Variants in COX15 observed in about 807,000 individuals in gnomAD.
COX15 encodes heme A synthase COX15.
Under a neutral mutation model 51.9 loss-of-function variants are expected in COX15, and 51 were observed. The ratio of observed to expected loss-of-function variants is 0.98; its 90% CI spans 0.78 to 1.24. The LOEUF is 1.24. COX15 is among the 50% of genes most tolerant of loss of function. COX15 has a pLI of 0.00. For synonymous variants in COX15, 188 were observed against 190.5 expected (o/e 0.99, Z 0.11); for missense variants, 420 against 501.1 (o/e 0.84, Z 1.55).
intron 4 of COX15, among the ~76,000 whole-genome samples, chr10:99,726,241 T>C (rs1245595972): frequency 6.6e-6 from 1 of 152,224 alleles, no homozygotes; most frequent in Non-Finnish European, 1.5e-5. Context: ...GGGATCCCTC[T>C]TTCCTATAGC....
downstream of COX15, chr10:99,709,642 G>A: frequency 1.0e-6 from 1 of 985,410 alleles, no homozygotes; most frequent in Non-Finnish European, 1.2e-6. Flanking sequence ...CTGGATCTAA[G>A]TTGGAAAGCT....
intron 3 of COX15, 72 bp downstream of exon 3, chr10:99,727,369 T>C: frequency 6.3e-7 from 1 of 1,586,872 alleles, no homozygotes; most frequent in Non-Finnish European, 8.6e-7. Flanking sequence ...AATCTAACCA[T>C]TCTGAAGGGT....
At chr10:99,728,072 T>C (rs1171333426) in intron 2 of COX15, among the ~76,000 whole-genome samples, 4 of 152,212 alleles carry the variant, frequency 2.6e-5, no homozygotes, top group Non-Finnish European at 5.9e-5. Context: ...GAAGACACAT[T>C]TGATTAAAAC....
the COX15 span, among the ~76,000 whole-genome samples, chr10:99,700,393 CGTGT>C: frequency 9.7e-6 from 1 of 103,598 alleles, no homozygotes; most frequent in Non-Finnish European, 1.9e-5. Flanking sequence ...TCCAACGTAC[CGTGT>C]GTGTGTGTGT....
rs774517968 is a variant in COX15, at chr10:99,727,414, GTTTACCT to G, written c.395+20_395+26del. The stretch of plus-strand genomic sequence containing the variant: ...AAAGATCAAATGGGCCTACTGGGAT[GTTTACCT>G]AATTTTCTCTAATACTTACATTTTA... On this transcript the variant is annotated intron_variant, in intron 3 of 8. Coordinates refer to ENST00000016171, the MANE Select transcript of COX15 (RefSeq NM_078470.6). The G allele has an allele frequency of 1.3e-3, 2,112 of 1,611,106 alleles. 4 individuals are homozygous for G. Among genetic ancestry groups the G allele is most frequent in the Non-Finnish European group, 1.7e-3 (2,013 of 1,179,700 alleles).
rs1275083002 is a variant in COX15 at position 99,718,480 on chromosome 10, C to G, written c.853G>C (p.Asp285His). ...ALSGAFVAGL[D>H]AGLVYNSFPK... The stretch of plus-strand genomic sequence containing the variant: ...AAGGAGTTATAAACAAGCCCAGCAT[C>G]TAGCCCTGCCACAAAAGCCCCTGTA... Residue 285 changes from aspartate (D) to histidine (H), a missense_variant, in exon 7 of 9, where the codon GAT (aspartate) becomes CAT (histidine). Physicochemically the swap from Asp to His is moderately conservative, Grantham distance 81 (BLOSUM62 -1). Transcript: ENST00000016171. The G allele has an allele frequency of 5.6e-6, 9 of 1,614,038 alleles. No homozygotes were observed. The highest frequency in any genetic ancestry group is 6.8e-6 in the Non-Finnish European group (8 of 1,180,032).
At chr10:99,727,806 T>C (rs1005656128) in intron 2 of COX15, among the ~76,000 whole-genome samples, 2 of 152,174 alleles carry the variant, frequency 1.3e-5, no homozygotes, top group African/African-American at 4.8e-5. Context: ...CCAATTCTTT[T>C]TTTTTTCCCA....
the COX15 span, chr10:99,702,410 A>T: frequency 2.1e-6 from 2 of 964,552 alleles, no homozygotes; most frequent in Non-Finnish European, 2.9e-6. Flanking sequence ...GGGAGGAGGT[A>T]GGTCTTTTAA....
intron 3 of COX15, 70 bp from the exon 4 acceptor site, chr10:99,727,224 T>C (rs2036989807): frequency 1.9e-6 from 3 of 1,561,276 alleles, no homozygotes; most frequent in African/African-American, 1.4e-5. Flanking sequence ...TCTTACGGAA[T>C]GCAAAACCTT....
intron 4 of COX15, 70 bp from the exon 5 acceptor site, chr10:99,724,193 T>C (rs1246582893): frequency 1.9e-6 from 3 of 1,584,154 alleles, no homozygotes; most frequent in Non-Finnish European, 2.6e-6. Context: ...TTTTTTTTGT[T>C]GTTTTTTTGA....
chr10:99,707,503 A>T (rs2036275841), downstream of COX15, among the ~76,000 whole-genome samples: 1 of 152,236 alleles, frequency 6.6e-6, no homozygotes, highest in South Asian at 2.1e-4. Flanking sequence ...GTTTTTAAAG[A>T]TTTCTCTTCT....
At chr10:99,707,687 G>C (rs1175942321), downstream of COX15, among the ~76,000 whole-genome samples, 2 of 152,162 alleles carry the variant, frequency 1.3e-5, no homozygotes, top group East Asian at 3.8e-4. Flanking sequence ...CATCAAAATA[G>C]GAGTCCGTGG....
chr10:99,721,997 G>C (rs1292251170), intron 5 of COX15, among the ~76,000 whole-genome samples: 1 of 152,146 alleles, frequency 6.6e-6, no homozygotes, highest in East Asian at 1.9e-4. Flanking sequence ...CCAAGTAGCT[G>C]GGATTACAGG....
the COX15 span, chr10:99,704,901 TGGTGCTAATA>T: frequency 1.7e-6 from 1 of 580,672 alleles, no homozygotes; most frequent in African/African-American, 1.9e-5. Flanking sequence ...GACAGGAGAT[TGGTGCTAATA>T]CGGGGGACCA....
chr10:99,712,734 C>T lies in COX15; in HGVS notation c.*1853G>A, dbSNP rs555696632. 1.8e-4 allele frequency: 91 copies of T among 506,758 alleles called. No individual in the cohort carries two copies. The highest frequency in any genetic ancestry group is 1.0e-3 in the Middle Eastern group (1 of 1,000). The allele number at this position is 506,758 out of a possible 1,614,324, so 31.4% of individuals were successfully genotyped here. On this transcript the variant is annotated 3_prime_UTR_variant, in exon 9 of 9. Coordinates refer to ENST00000016171, the MANE Select transcript of COX15 (RefSeq NM_078470.6). Reference sequence around the variant, plus strand: ...TATAGTCCGAGCTGGGGCACCTGCTCGCCAGTGTTACTGTCTCCATCAGCC... The same window carrying T: ...TATAGTCCGAGCTGGGGCACCTGCTTGCCAGTGTTACTGTCTCCATCAGCC...
chr10:99,729,379 G>C (rs189709689), intron 2 of COX15, among the ~76,000 whole-genome samples, 174 bp downstream of exon 2: 3 of 151,114 alleles, frequency 2.0e-5, no homozygotes, highest in Non-Finnish European at 4.4e-5. Flanking sequence ...AGAATCGCTT[G>C]AACTCAGGAG....
chr10:99,716,809 C>A (rs1800959584), intron 7 of COX15, among the ~76,000 whole-genome samples: 1 of 151,930 alleles, frequency 6.6e-6, no homozygotes, highest in Admixed American at 6.6e-5. Flanking sequence ...ATCCTATATT[C>A]TTAAAGCAGG....
rs891095090 is a variant in COX15 at position 99,714,186 on chromosome 10, A to G, written c.*401T>C. The stretch of plus-strand genomic sequence containing the variant: ...ATCCTATCCTTTCAATCTTCACCTA[A>G]TGGAAGTGAAGTTAAGATCATAAAG... On this transcript the variant is annotated 3_prime_UTR_variant, in exon 9 of 9. Coordinates refer to ENST00000016171, the MANE Select transcript of COX15 (RefSeq NM_078470.6). The G allele has an allele frequency of 9.4e-7, 1 of 1,066,458 alleles. No individual in the cohort carries two copies. The highest frequency in any genetic ancestry group is 1.1e-6 in the Non-Finnish European group (1 of 877,622). 66.1% of individuals were successfully genotyped at this position (1,066,458 alleles called of 1,614,324 possible).
chr10:99,714,797 C>T lies in COX15; in HGVS notation c.1102-79G>A, dbSNP rs2036515457. On this transcript the variant is annotated intron_variant, in intron 8 of 8. Transcript: ENST00000016171. ...GAAAATGGCCAGGCGTGGATAACCACACACAAACCTCCACATCCTCCTATC... is the reference window on the plus strand; with the variant it reads ...GAAAATGGCCAGGCGTGGATAACCATACACAAACCTCCACATCCTCCTATC... 4 of 1,602,330 alleles carry T rather than the reference C, an allele frequency of 2.5e-6. No individual in the cohort carries two copies. The Admixed American group carries it at 6.7e-5, about 27-fold the overall frequency.
Sources: allele counts gnomAD v4.1 joint callset (sites outside exome capture counted in the v4.1 genomes callset), GRCh38; gene constraint gnomAD v4.1.1; transcripts MANE v1.5; gene names NCBI Gene and HGNC (gene_info 2026-07-23, HGNC 2026-07-21).